The following DOCK3 variants were observed in gnomAD, a reference collection of about 807,000 sequenced individuals.
The protein encoded by DOCK3 is dedicator of cytokinesis 3, also known as dedicator of cytokinesis protein 3.
DOCK3 carries 60 observed loss-of-function variants against 265.6 expected under a neutral mutation model. The observed-to-expected ratio is 0.23, with a 90% CI of 0.18 to 0.28. The LOEUF (loss-of-function observed/expected upper bound fraction) is 0.28, where lower values mean the gene tolerates loss of function less well. Ranked by LOEUF, DOCK3 falls within the 10% of genes least tolerant of loss-of-function variation. DOCK3 has a pLI of 1.00. For missense variants in DOCK3, 1,981 were observed against 2,594.3 expected, an observed-to-expected ratio of 0.76 and a Z score of 5.14; for synonymous variants, 881 against 938.0, an observed-to-expected ratio of 0.94 and a Z score of 1.11.
intron 21 of DOCK3, among the ~76,000 whole-genome samples, chr3:51,240,899 C>T (rs139179294): frequency 6.6e-6 from 1 of 152,180 alleles, no homozygotes; most frequent in African/African-American, 2.4e-5. Context: ...CCACTCTATG[C>T]CTTTTAATTG....
intron 3 of DOCK3, among the ~76,000 whole-genome samples, chr3:50,884,051 T>C (rs2048199829): frequency 6.6e-6 from 1 of 152,176 alleles, no homozygotes; most frequent in South Asian, 2.1e-4. Flanking sequence ...ACGTTCCTTT[T>C]TATGGCTGAA....
chr3:50,858,893 G>C (rs969903287), intron 3 of DOCK3, among the ~76,000 whole-genome samples: 1 of 151,814 alleles, frequency 6.6e-6, no homozygotes, highest in African/African-American at 2.4e-5. Flanking sequence ...TCTTATTTTA[G>C]AGAGCCAGTA....
At chr3:51,380,410 G>C (rs2088528584) in intron 52 of DOCK3, among the ~76,000 whole-genome samples, 1 of 152,220 alleles carries the variant, frequency 6.6e-6, no homozygotes, top group Admixed American at 6.5e-5. Context: ...TGGGGGCAGG[G>C]AGATCAGAGG....
intron 5 of DOCK3, among the ~76,000 whole-genome samples, chr3:50,944,339 AG>A (rs1305070370): frequency 6.6e-6 from 1 of 152,216 alleles, no homozygotes; most frequent in Non-Finnish European, 1.5e-5. Context: ...TGTCAGAATG[AG>A]ATTTGTCATT....
chr3:50,756,293 T>C (rs574433054), intron 1 of DOCK3, among the ~76,000 whole-genome samples: 2 of 152,282 alleles, frequency 1.3e-5, no homozygotes, highest in African/African-American at 4.8e-5. Context: ...ATAATGTGCA[T>C]GCTTGAGTCT....
At chr3:50,703,995 AG>A (rs1335965463) in intron 1 of DOCK3, among the ~76,000 whole-genome samples, 1 of 151,844 alleles carries the variant, frequency 6.6e-6, no homozygotes. Flanking sequence ...CATTTGTCTC[AG>A]GGAAGTTTTT....
At chr3:51,255,612 T>G (rs2079503551) in intron 22 of DOCK3, among the ~76,000 whole-genome samples, 1 of 152,264 alleles carries the variant, frequency 6.6e-6, no homozygotes, top group African/African-American at 2.4e-5. Context: ...TTCATTCATT[T>G]GATCTTCAAT....
intron 2 of DOCK3, among the ~76,000 whole-genome samples, chr3:50,816,792 A>G (rs2044102721): frequency 6.6e-6 from 1 of 150,562 alleles, no homozygotes; most frequent in South Asian, 2.1e-4. Flanking sequence ...TTATATTTTC[A>G]TTTCTTTTCT....
chr3:50,781,050 T>C (rs1230340265), intron 2 of DOCK3, among the ~76,000 whole-genome samples: 1 of 152,120 alleles, frequency 6.6e-6, no homozygotes. Flanking sequence ...TTAATCCATC[T>C]GTTATTGGAC....
intron 2 of DOCK3, among the ~76,000 whole-genome samples, chr3:50,801,373 G>A (rs1456263752): frequency 6.6e-6 from 1 of 152,110 alleles, no homozygotes; most frequent in Non-Finnish European, 1.5e-5. Context: ...ATGAGTTAGG[G>A]TGCAGCAGGT....
intron 32 of DOCK3, among the ~76,000 whole-genome samples, chr3:51,318,714 A>G (rs1328089661): frequency 6.6e-6 from 1 of 152,070 alleles, no homozygotes; most frequent in Non-Finnish European, 1.5e-5. Flanking sequence ...CTAGTAGCTC[A>G]AGCTCCTTAA....
At chr3:50,850,156 G>A (rs1390974380) in intron 3 of DOCK3, among the ~76,000 whole-genome samples, 1 of 151,766 alleles carries the variant, frequency 6.6e-6, no homozygotes, top group Non-Finnish European at 1.5e-5. Flanking sequence ...CGAGGCGGGT[G>A]GATCACCTGA....
In DOCK3 at chr3:51,237,432, TG is replaced by T. The variant is rs1053442674; in HGVS notation, c.2002-54del. 8 of 1,430,432 alleles carry T rather than the reference TG, an allele frequency of 5.6e-6. No homozygotes were observed. In the African/African-American group the frequency reaches 1.1e-4, roughly 20 times the overall value. 88.6% of individuals were successfully genotyped at this position (1,430,432 alleles called of 1,614,324 possible). A position where few individuals can be genotyped will look rare whatever the true frequency, so the allele number is the denominator to read the frequency against. ...GGAGAAGGAAGACTCTGTTTCCTGCTGGGGATAGATCTGAGGCCTCCAGTGA... is the reference window on the plus strand; with the variant it reads ...GGAGAAGGAAGACTCTGTTTCCTGCTGGGATAGATCTGAGGCCTCCAGTGA... On this transcript the variant is annotated intron_variant, in intron 20 of 52. Coordinates refer to ENST00000266037, the MANE Select transcript of DOCK3 (RefSeq NM_004947.5).
chr3:50,683,448 A>G (rs938093840), intron 1 of DOCK3, among the ~76,000 whole-genome samples: 1 of 152,206 alleles, frequency 6.6e-6, no homozygotes, highest in African/African-American at 2.4e-5. Context: ...GAGAGGAAGA[A>G]AATTTTATTG....
At chr3:50,688,533 G>T (rs1268628951) in intron 1 of DOCK3, among the ~76,000 whole-genome samples, 1 of 152,164 alleles carries the variant, frequency 6.6e-6, no homozygotes, top group Non-Finnish European at 1.5e-5. Context: ...TGCAATCTCG[G>T]CTCGCTGCAA....
rs2083175876 is a variant in DOCK3, at chr3:51,313,009, A to G, written c.3253+107A>G. The G allele has an allele frequency of 2.9e-6, 3 of 1,044,450 alleles. No individual in the cohort carries two copies. The Admixed American group carries it at 6.2e-5, about 22-fold the overall frequency. 64.7% of individuals were successfully genotyped at this position (1,044,450 alleles called of 1,614,324 possible). A position where few individuals can be genotyped will look rare whatever the true frequency, so the allele number is the denominator to read the frequency against. On this transcript the variant is annotated intron_variant, in intron 31 of 52. Coordinates refer to ENST00000266037, the MANE Select transcript of DOCK3 (RefSeq NM_004947.5). ...CTTTATGAATGTTAATTCAGGCCCA[A>G]GAGATCCTTACATATCTTTCACATA... is the stretch of plus-strand genomic sequence containing the variant.
At chr3:50,711,473 A>G (rs1480847829) in intron 1 of DOCK3, among the ~76,000 whole-genome samples, 1 of 152,126 alleles carries the variant, frequency 6.6e-6, no homozygotes, top group Non-Finnish European at 1.5e-5. Flanking sequence ...CATGTTAGCC[A>G]GGATGGTCTC....
intron 9 of DOCK3, among the ~76,000 whole-genome samples, chr3:51,113,881 G>GA (rs140100457): frequency 6.6e-6 from 1 of 152,292 alleles, no homozygotes; most frequent in East Asian, 1.9e-4. Flanking sequence ...GGAGGCTAAG[G>GA]AGGGAGGATC....
chr3:51,314,444 A>G (rs1040815599), intron 31 of DOCK3, among the ~76,000 whole-genome samples: 1 of 152,182 alleles, frequency 6.6e-6, no homozygotes, highest in Non-Finnish European at 1.5e-5. Context: ...GCTCAGGAGG[A>G]GGACTTCTTT....
Sources: gnomAD v4.1 joint callset for allele counts (sites outside exome capture counted in the v4.1 genomes callset) on GRCh38, gnomAD v4.1.1 for gene constraint, MANE v1.5 for transcripts, NCBI Gene and HGNC (gene_info 2026-07-23, HGNC 2026-07-21) for gene names.